PTPRD: variants seen among roughly 807,000 people sequenced by gnomAD.
The protein encoded by PTPRD is receptor-type tyrosine-protein phosphatase delta.
A neutral mutation model predicts 214.5 loss-of-function variants in PTPRD; 34 were observed. That is an observed-to-expected ratio of 0.16 (90% CI 0.12 to 0.21). The LOEUF (loss-of-function observed/expected upper bound fraction) is 0.21, where lower values mean the gene tolerates loss of function less well. PTPRD is among the 10% of genes least tolerant of loss of function. The probability of loss-of-function intolerance (pLI) is 1.00; values close to 1 mark genes in which losing one functional copy is unlikely to be tolerated. For synonymous variants in PTPRD, 1,128 were observed against 845.7 expected (o/e 1.33, Z -5.79); for missense variants, 2,545 against 2,398.7 (o/e 1.06, Z -1.27).
chr9:9,998,624 G>A (rs1021950507), intron 4 of PTPRD, among the ~76,000 whole-genome samples: 1 of 151,886 alleles, frequency 6.6e-6, no homozygotes, highest in Admixed American at 6.6e-5. Context: ...TCAACATAAT[G>A]TGGCAGGATC....
At chr9:8,483,568 C>T (rs570521016) in intron 30 of PTPRD, among the ~76,000 whole-genome samples, 122 of 152,150 alleles carry the variant, frequency 8.0e-4, no homozygotes, top group African/African-American at 2.8e-3. Context: ...CAGGCTAACA[C>T]GGTGAAACCC....
intron 12 of PTPRD, among the ~76,000 whole-genome samples, chr9:8,664,966 C>T (rs563425774): frequency 6.6e-6 from 1 of 152,138 alleles, no homozygotes; most frequent in Non-Finnish European, 1.5e-5. Flanking sequence ...CAACTACACA[C>T]AATTGAGTGA....
intron 3 of PTPRD, among the ~76,000 whole-genome samples, chr9:10,214,026 C>T (rs1380066680): frequency 6.6e-6 from 1 of 152,022 alleles, no homozygotes; most frequent in Non-Finnish European, 1.5e-5. Context: ...GCTGTAAAGG[C>T]ATATCTTCAT....
intron 8 of PTPRD, among the ~76,000 whole-genome samples, chr9:9,457,310 G>A (rs531392630): frequency 1.5e-4 from 23 of 151,780 alleles, no homozygotes; most frequent in Middle Eastern, 3.4e-3. Context: ...TATGATAATC[G>A]GTCTCTCTAA....
At chr9:9,804,605 T>C (rs886285554) in intron 5 of PTPRD, among the ~76,000 whole-genome samples, 1 of 152,072 alleles carries the variant, frequency 6.6e-6, no homozygotes, top group Non-Finnish European at 1.5e-5. Context: ...GTTGAATAAA[T>C]TTTTACTGAA....
intron 12 of PTPRD, among the ~76,000 whole-genome samples, chr9:8,676,808 A>C (rs1677742001): frequency 6.6e-6 from 1 of 152,144 alleles, no homozygotes; most frequent in Non-Finnish European, 1.5e-5. Context: ...TCCTGACCTC[A>C]GGTGATCCAC....
At chr9:8,491,823 A>G (rs2097157050) in intron 27 of PTPRD, among the ~76,000 whole-genome samples, 1 of 152,036 alleles carries the variant, frequency 6.6e-6, no homozygotes, top group African/African-American at 2.4e-5. Flanking sequence ...AGGGCACTCA[A>G]CATCACAGCT....
At chr9:8,975,686 A>AAAT (rs1375959552) in intron 11 of PTPRD, among the ~76,000 whole-genome samples, 1 of 151,870 alleles carries the variant, frequency 6.6e-6, no homozygotes, top group East Asian at 1.9e-4. Flanking sequence ...CATTTTGGAT[A>AAAT]AATATGTAAC....
chr9:8,948,041 G>A (rs943416591), intron 11 of PTPRD, among the ~76,000 whole-genome samples: 7 of 133,556 alleles, frequency 5.2e-5, no homozygotes, highest in African/African-American at 2.0e-4. Context: ...TTTTTTTTGA[G>A]ACGGAGTCTC....
At chr9:10,511,422 G>T (rs2047963371) in intron 2 of PTPRD, among the ~76,000 whole-genome samples, 1 of 151,930 alleles carries the variant, frequency 6.6e-6, no homozygotes, top group Non-Finnish European at 1.5e-5. Flanking sequence ...TGTATTTACT[G>T]AGATGGAGTC....
intron 5 of PTPRD, among the ~76,000 whole-genome samples, chr9:9,813,495 C>A (rs573975882): frequency 2.0e-5 from 3 of 151,944 alleles, no homozygotes; most frequent in Non-Finnish European, 4.4e-5. Flanking sequence ...ATTAACAATA[C>A]ACCAATAAAT....
At chr9:10,431,951 C>T (rs1452345427) in intron 2 of PTPRD, among the ~76,000 whole-genome samples, 2 of 151,878 alleles carry the variant, frequency 1.3e-5, no homozygotes, top group Admixed American at 6.6e-5. Flanking sequence ...ACCCAAAGGA[C>T]TATAAATCAT....
At chr9:10,209,205 C>G (rs1230815223) in intron 3 of PTPRD, among the ~76,000 whole-genome samples, 1 of 151,932 alleles carries the variant, frequency 6.6e-6, no homozygotes, top group Non-Finnish European at 1.5e-5. Flanking sequence ...CCAAGGAGTC[C>G]ATAATAGCAA....
At chr9:9,441,081 A>G (rs552798787) in intron 8 of PTPRD, among the ~76,000 whole-genome samples, 1 of 152,250 alleles carries the variant, frequency 6.6e-6, no homozygotes, top group East Asian at 1.9e-4. Flanking sequence ...ATCTCAACCA[A>G]TAATTTAATA....
chr9:8,751,397 T>G (rs1282820938), intron 11 of PTPRD, among the ~76,000 whole-genome samples: 1 of 134,282 alleles, frequency 7.4e-6, no homozygotes. Context: ...CTTTCTACAC[T>G]CACTTAAAAA....
intron 3 of PTPRD, among the ~76,000 whole-genome samples, chr9:10,272,616 C>T (rs947495311): frequency 1.1e-4 from 16 of 152,080 alleles, no homozygotes; most frequent in Non-Finnish European, 1.9e-4. Context: ...TGTTTCATGC[C>T]TGTGAAATTT....
At chr9:9,835,037 G>A (rs1014131812) in intron 5 of PTPRD, among the ~76,000 whole-genome samples, 5 of 151,800 alleles carry the variant, frequency 3.3e-5, no homozygotes, top group African/African-American at 1.2e-4. Context: ...ATAGTAGATA[G>A]GGTACTTAGT....
At chr9:9,317,957 A>G (rs1964217889) in intron 9 of PTPRD, among the ~76,000 whole-genome samples, 1 of 152,144 alleles carries the variant, frequency 6.6e-6, no homozygotes, top group African/African-American at 2.4e-5. Flanking sequence ...GGATCACTTG[A>G]GGTCTGGAGT....
chr9:9,993,972 G>A (rs55900066), intron 4 of PTPRD, among the ~76,000 whole-genome samples: 21,811 of 152,024 alleles, frequency 0.14, 1,798 homozygotes, highest in African/African-American at 0.22. Flanking sequence ...TGTATAATAC[G>A]TACTAGACAT....
Sources: gnomAD v4.1 joint callset for allele counts (sites outside exome capture counted in the v4.1 genomes callset) on GRCh38, gnomAD v4.1.1 for gene constraint, MANE v1.5 for transcripts, NCBI Gene and HGNC (gene_info 2026-07-23, HGNC 2026-07-21) for gene names.